GPC5: variants seen among roughly 807,000 people sequenced by gnomAD.
The protein encoded by GPC5 is glypican-5.
A neutral mutation model predicts 53.9 loss-of-function variants in GPC5; 47 were observed. The ratio of observed to expected loss-of-function variants is 0.87; its 90% CI spans 0.69 to 1.11. The LOEUF is 1.11. GPC5 is among the 50% of genes most tolerant of loss of function. The pLI, the probability that GPC5 is intolerant of heterozygous loss-of-function variation, is 0.00. For synonymous variants in GPC5, 286 were observed against 263.3 expected (o/e 1.09, Z -0.84); for missense variants, 748 against 713.1 (o/e 1.05, Z -0.56).
intron 7 of GPC5, among the ~76,000 whole-genome samples, chr13:92,837,602 G>A (rs981435259): frequency 2.0e-5 from 3 of 152,146 alleles, no homozygotes; most frequent in African/African-American, 7.2e-5. Flanking sequence ...GAATTCTGGG[G>A]CTGTGTAATG....
At chr13:92,860,807 C>A (rs1048240068) in intron 7 of GPC5, among the ~76,000 whole-genome samples, 9 of 152,004 alleles carry the variant, frequency 5.9e-5, no homozygotes, top group African/African-American at 1.9e-4. Context: ...TAATTCTAAT[C>A]CTTTATTTTA....
intron 7 of GPC5, among the ~76,000 whole-genome samples, chr13:92,576,845 A>T (rs1179318579): frequency 3.3e-5 from 5 of 152,212 alleles, no homozygotes; most frequent in Non-Finnish European, 7.3e-5. Context: ...ATCATGTACC[A>T]TCTTGAAGCA....
chr13:91,856,831 T>C (rs1333499849), intron 5 of GPC5, among the ~76,000 whole-genome samples: 1 of 151,452 alleles, frequency 6.6e-6, no homozygotes, highest in African/African-American at 2.4e-5. Context: ...TCCTAAGAAA[T>C]ATTTCTTGAA....
At chr13:92,405,905 T>C (rs2139342617) in intron 7 of GPC5, among the ~76,000 whole-genome samples, 1 of 152,330 alleles carries the variant, frequency 6.6e-6, no homozygotes, top group Non-Finnish European at 1.5e-5. Flanking sequence ...ACTTCCCTTA[T>C]TCTTCTGTGG....
chr13:92,035,230 A>AG (rs1362217592), intron 6 of GPC5, among the ~76,000 whole-genome samples: 1 of 151,522 alleles, frequency 6.6e-6, no homozygotes, highest in Non-Finnish European at 1.5e-5. Flanking sequence ...AAAAAAAAAA[A>AG]AAGTTTAGAG....
At chr13:91,524,594 TG>T (rs1362216521) in intron 2 of GPC5, among the ~76,000 whole-genome samples, 2 of 152,152 alleles carry the variant, frequency 1.3e-5, no homozygotes, top group Non-Finnish European at 2.9e-5. Flanking sequence ...TTATTTTCTT[TG>T]GGTTACTTTG....
intron 6 of GPC5, among the ~76,000 whole-genome samples, chr13:92,036,332 AGT>A (rs1262324959): frequency 3.3e-5 from 5 of 152,224 alleles, no homozygotes; most frequent in South Asian, 2.1e-4. Context: ...TTTATGGGAT[AGT>A]GTTATAACAA....
intron 7 of GPC5, among the ~76,000 whole-genome samples, chr13:92,491,035 T>C (rs1306970383): frequency 1.3e-5 from 2 of 152,130 alleles, no homozygotes; most frequent in Non-Finnish European, 2.9e-5. Context: ...GTCTCGTTAC[T>C]ATATGGAACC....
At chr13:92,050,958 A>G (rs984839651) in intron 6 of GPC5, among the ~76,000 whole-genome samples, 3 of 152,332 alleles carry the variant, frequency 2.0e-5, no homozygotes, top group Admixed American at 1.3e-4. Flanking sequence ...ATTTAACTTA[A>G]TATTTTAAAA....
At chr13:92,862,840 T>C (rs1879226237) in intron 7 of GPC5, among the ~76,000 whole-genome samples, 1 of 152,134 alleles carries the variant, frequency 6.6e-6, no homozygotes, top group African/African-American at 2.4e-5. Context: ...GAACAAATTG[T>C]CTCTAAACAT....
intron 7 of GPC5, among the ~76,000 whole-genome samples, chr13:92,476,811 G>A (rs9589560): frequency 0.024 from 3,417 of 143,672 alleles, 123 homozygotes; most frequent in African/African-American, 0.085. Context: ...ACCAAACACC[G>A]CATATTCTCA....
chr13:92,169,591 T>A (rs2042055056), intron 7 of GPC5, among the ~76,000 whole-genome samples: 1 of 152,164 alleles, frequency 6.6e-6, no homozygotes, highest in Non-Finnish European at 1.5e-5. Flanking sequence ...TAAAATAAAC[T>A]TTGAATTTCT....
intron 7 of GPC5, among the ~76,000 whole-genome samples, chr13:92,629,829 A>G (rs1382108021): frequency 2.0e-5 from 3 of 152,310 alleles, no homozygotes; most frequent in East Asian, 3.9e-4. Flanking sequence ...TTCATTCTTG[A>G]CAAATATTGA....
intron 7 of GPC5, among the ~76,000 whole-genome samples, chr13:92,787,862 G>A (rs1876311052): frequency 7.4e-6 from 1 of 134,450 alleles, no homozygotes; most frequent in Non-Finnish European, 1.6e-5. Context: ...GGGTGACAAA[G>A]TAAGACCCTG....
At chr13:92,083,257 A>T (rs1364086800) in intron 6 of GPC5, among the ~76,000 whole-genome samples, 2 of 152,168 alleles carry the variant, frequency 1.3e-5, no homozygotes, top group Non-Finnish European at 2.9e-5. Flanking sequence ...CTCTGAAAAG[A>T]CACTGCTGGT....
intron 2 of GPC5, among the ~76,000 whole-genome samples, 157 bp from the exon 3 acceptor site, chr13:91,693,030 T>G (rs527425246): frequency 6.6e-6 from 1 of 152,340 alleles, no homozygotes; most frequent in African/African-American, 2.4e-5. Context: ...TCTTGTCCGG[T>G]CATTATCCTT....
chr13:91,486,440 A>G (rs758179275), intron 2 of GPC5: 1 of 152,228 alleles, frequency 6.6e-6, no homozygotes, highest in Non-Finnish European at 1.5e-5. Flanking sequence ...TGTTAAACCC[A>G]TTGGGTTTTC....
At chr13:91,966,353 G>A (rs983503879) in intron 6 of GPC5, among the ~76,000 whole-genome samples, 2 of 152,130 alleles carry the variant, frequency 1.3e-5, no homozygotes, top group Non-Finnish European at 2.9e-5. Flanking sequence ...GAGATTCATT[G>A]TCAGTTTTTA....
chr13:92,081,455 T>G (rs1023423189), intron 6 of GPC5, among the ~76,000 whole-genome samples: 1 of 152,188 alleles, frequency 6.6e-6, no homozygotes, highest in African/African-American at 2.4e-5. Flanking sequence ...ATAATAACTG[T>G]TGAATAATGA....
Sources: allele counts gnomAD v4.1 joint callset (sites outside exome capture counted in the v4.1 genomes callset), GRCh38; gene constraint gnomAD v4.1.1; transcripts MANE v1.5; gene names NCBI Gene and HGNC (gene_info 2026-07-23, HGNC 2026-07-21).